PTPRG: variants seen among roughly 807,000 people sequenced by gnomAD.
The protein encoded by PTPRG is protein tyrosine phosphatase receptor type G, also known as receptor-type tyrosine-protein phosphatase gamma.
Under a neutral mutation model 165.3 loss-of-function variants are expected in PTPRG, and 102 were observed. That is an observed-to-expected ratio of 0.62 (90% CI 0.53 to 0.73). PTPRG has a LOEUF of 0.73. PTPRG is among the 30% of genes least tolerant of loss of function. PTPRG has a pLI of 0.00. For synonymous variants in PTPRG, 675 were observed against 669.5 expected (o/e 1.01, Z -0.13); for missense variants, 1,866 against 1,861.4 (o/e 1.00, Z -0.05).
chr3:61,703,987 A>G (rs2031116184), intron 1 of PTPRG, among the ~76,000 whole-genome samples: 1 of 152,158 alleles, frequency 6.6e-6, no homozygotes, highest in Admixed American at 6.5e-5. Context: ...GTGGACTGCC[A>G]CTCTGGGCAG....
At chr3:61,588,403 A>G (rs34362651) in intron 1 of PTPRG, among the ~76,000 whole-genome samples, 12,623 of 151,736 alleles carry the variant, frequency 0.083, 622 homozygotes, top group East Asian at 0.22. Flanking sequence ...TTATCTTGAG[A>G]CAGAGTCTTG....
chr3:61,691,974 CAG>C (rs1488614710), intron 1 of PTPRG, among the ~76,000 whole-genome samples: 1 of 152,116 alleles, frequency 6.6e-6, no homozygotes, highest in Non-Finnish European at 1.5e-5. Context: ...TTTTCGGTTG[CAG>C]AGAGTATATA....
intron 2 of PTPRG, among the ~76,000 whole-genome samples, chr3:61,795,798 G>A (rs1262566902): frequency 6.6e-6 from 1 of 151,910 alleles, no homozygotes; most frequent in Non-Finnish European, 1.5e-5. Context: ...TAGTACTTTA[G>A]AACTTTGTAT....
intron 1 of PTPRG, among the ~76,000 whole-genome samples, chr3:61,618,975 CAAAAAAAAAAAA>C (rs57427703): frequency 1.0e-3 from 75 of 72,952 alleles, no homozygotes; most frequent in African/African-American, 2.6e-3. Context: ...GATCCTGTCT[CAAAAAAAAAAAA>C]AAAAAAAAAA....
intron 16 of PTPRG, 146 bp from the exon 17 acceptor site, chr3:62,262,652 T>G (rs948837495): frequency 2.4e-5 from 12 of 506,222 alleles, no homozygotes; most frequent in African/African-American, 2.2e-4. Flanking sequence ...TCGTTATAAA[T>G]ATATCAATAA....
chr3:62,071,099 C>G lies in PTPRG; in HGVS notation c.520-7064C>G, dbSNP rs953547712. 4.3e-4 allele frequency among the ~76,000 whole-genome samples: 65 copies of G among 152,064 alleles called. 1 individual carries two copies. The highest frequency in any genetic ancestry group is 1.6e-4 in the Non-Finnish European group (11 of 68,030). On this transcript the variant is annotated intron_variant, in intron 4 of 29. Transcript: ENST00000474889. ...CATCTGTTCTTTTCTGTAGCTTTTG[C>G]CTGTGTGTTCTTCCACTTTAATAAA...
chr3:61,617,075 G>T (rs959061620), intron 1 of PTPRG, among the ~76,000 whole-genome samples: 1 of 152,188 alleles, frequency 6.6e-6, no homozygotes, highest in Admixed American at 6.5e-5. Context: ...CCTGCCCTTG[G>T]TATTTGAGGG....
At chr3:62,059,145 G>T (rs1177309229) in intron 4 of PTPRG, among the ~76,000 whole-genome samples, 2 of 152,148 alleles carry the variant, frequency 1.3e-5, no homozygotes, top group Non-Finnish European at 2.9e-5. Context: ...CCCTTTCCCA[G>T]TCTTTAAAAT....
intron 1 of PTPRG, among the ~76,000 whole-genome samples, chr3:61,612,921 T>G (rs1234919001): frequency 1.3e-5 from 2 of 152,064 alleles, no homozygotes; most frequent in Non-Finnish European, 2.9e-5. Flanking sequence ...GAACAGCCTT[T>G]GTTGTGAACC....
chr3:62,118,034 C>T (rs1268908870), intron 5 of PTPRG, among the ~76,000 whole-genome samples: 1 of 152,172 alleles, frequency 6.6e-6, no homozygotes, highest in Non-Finnish European at 1.5e-5. Flanking sequence ...TGGATTATCT[C>T]ATTGGTCTCT....
At chr3:61,683,753 A>T (rs1269914869) in intron 1 of PTPRG, among the ~76,000 whole-genome samples, 3 of 152,222 alleles carry the variant, frequency 2.0e-5, no homozygotes, top group Non-Finnish European at 2.9e-5. Flanking sequence ...CTTGAAAAAC[A>T]TTGGTGAAAG....
In PTPRG at chr3:61,946,845, C is replaced by T. The variant is rs1359062890; in HGVS notation, c.191-42780C>T. On this transcript the variant is annotated intron_variant, in intron 2 of 29. Transcript: ENST00000474889. ...CTTGTTCTTATGTTAGAGCTCCTTA[C>T]GGTATCTTCCCTCTTCTAGAACTTT... 2.0e-5 allele frequency among the ~76,000 whole-genome samples: 3 copies of T among 152,190 alleles called. No individual in the cohort carries two copies. In the East Asian group the frequency reaches 5.8e-4, roughly 29 times the overall value.
chr3:61,612,067 C>T (rs922871797), intron 1 of PTPRG, among the ~76,000 whole-genome samples: 1 of 152,064 alleles, frequency 6.6e-6, no homozygotes, highest in Non-Finnish European at 1.5e-5. Flanking sequence ...CTCAGCCTCC[C>T]GAGTGGCTGG....
intron 1 of PTPRG, among the ~76,000 whole-genome samples, chr3:61,685,069 CCTCT>C (rs903350837): frequency 2.6e-5 from 4 of 152,210 alleles, no homozygotes; most frequent in Non-Finnish European, 5.9e-5. Context: ...CGCTCCTCCG[CCTCT>C]CTCATTCTCT....
At chr3:62,081,724 G>A (rs995994109) in intron 5 of PTPRG, among the ~76,000 whole-genome samples, 1 of 152,114 alleles carries the variant, frequency 6.6e-6, no homozygotes, top group African/African-American at 2.4e-5. Flanking sequence ...AAAAAAAATT[G>A]TTACTTCAAT....
At chr3:61,841,124 T>G (rs2107329479) in intron 2 of PTPRG, among the ~76,000 whole-genome samples, 1 of 152,330 alleles carries the variant, frequency 6.6e-6, no homozygotes, top group East Asian at 1.9e-4. Flanking sequence ...ATCCACTGAT[T>G]ATCTTACCAA....
intron 2 of PTPRG, among the ~76,000 whole-genome samples, chr3:61,854,983 G>T (rs915128069): frequency 6.6e-6 from 1 of 152,136 alleles, no homozygotes; most frequent in Non-Finnish European, 1.5e-5. Flanking sequence ...AGGGAATGCC[G>T]CTGGTTTATA....
At chr3:61,957,773 C>T (rs962966439) in intron 2 of PTPRG, among the ~76,000 whole-genome samples, 1 of 152,158 alleles carries the variant, frequency 6.6e-6, no homozygotes, top group East Asian at 1.9e-4. Flanking sequence ...TCATGCGATT[C>T]CATTTTAATT....
intron 1 of PTPRG, among the ~76,000 whole-genome samples, chr3:61,653,928 T>C (rs987643479): frequency 6.6e-6 from 1 of 150,540 alleles, no homozygotes. Flanking sequence ...TAAGGGAACA[T>C]GTAAGGCTAA....
Sources: allele counts gnomAD v4.1 joint callset (sites outside exome capture counted in the v4.1 genomes callset), GRCh38; gene constraint gnomAD v4.1.1; transcripts MANE v1.5; gene names NCBI Gene and HGNC (gene_info 2026-07-23, HGNC 2026-07-21).